TTC29: variants seen among roughly 807,000 people sequenced by gnomAD.
The protein encoded by TTC29 is tetratricopeptide repeat domain 29.
Under a neutral mutation model 58.1 loss-of-function variants are expected in TTC29, and 49 were observed. The ratio of observed to expected loss-of-function variants is 0.84; its 90% CI spans 0.67 to 1.07. TTC29 has a LOEUF of 1.07. Ranked by LOEUF, TTC29 falls within the 50% of genes least tolerant of loss-of-function variation. The pLI, the probability that TTC29 is intolerant of heterozygous loss-of-function variation, is 0.00. For synonymous variants in TTC29, 209 were observed against 196.8 expected, an observed-to-expected ratio of 1.06 and a Z score of -0.52; for missense variants, 582 against 555.6, an observed-to-expected ratio of 1.05 and a Z score of -0.48.
chr4:146,930,552 C>T (rs1411582772), intron 4 of TTC29, among the ~76,000 whole-genome samples: 2 of 152,094 alleles, frequency 1.3e-5, no homozygotes, highest in East Asian at 3.9e-4. Context: ...ATATAGAAAA[C>T]AGAACAGGAT....
At chr4:146,854,562 G>A (rs937186809) in intron 8 of TTC29, among the ~76,000 whole-genome samples, 43 of 151,830 alleles carry the variant, frequency 2.8e-4, no homozygotes, top group Non-Finnish European at 6.0e-4. Context: ...TTCATCCTCC[G>A]TCCTCACTCT....
At chr4:146,714,601 GA>G (rs369522006) in intron 11 of TTC29, among the ~76,000 whole-genome samples, 2,986 of 135,960 alleles carry the variant, frequency 0.022, 54 homozygotes, top group African/African-American at 0.047. Flanking sequence ...AAAAGAAAAA[GA>G]AAAAAAAAAA....
At chr4:146,932,130 G>T (rs1398042030) in intron 4 of TTC29, among the ~76,000 whole-genome samples, 2 of 152,042 alleles carry the variant, frequency 1.3e-5, no homozygotes, top group Admixed American at 1.3e-4. Context: ...TCAAAAAGAA[G>T]TGGCAATTCC....
At chr4:146,743,762 C>A (rs781380800) in intron 11 of TTC29, among the ~76,000 whole-genome samples, 4 of 152,202 alleles carry the variant, frequency 2.6e-5, no homozygotes, top group Non-Finnish European at 5.9e-5. Flanking sequence ...CAGAGAATTT[C>A]ATCTACATTG....
chr4:146,787,943 T>G (rs1749152254), intron 11 of TTC29, among the ~76,000 whole-genome samples: 1 of 152,090 alleles, frequency 6.6e-6, no homozygotes, highest in Non-Finnish European at 1.5e-5. Context: ...TGAAAGCCTT[T>G]GTTTAAGAAA....
chr4:146,829,993 C>T (rs549875276), intron 9 of TTC29, among the ~76,000 whole-genome samples: 9 of 152,026 alleles, frequency 5.9e-5, no homozygotes, highest in African/African-American at 2.2e-4. Context: ...GGGATTTTCC[C>T]TCTCTGTATT....
chr4:146,727,510 C>T, intron 11 of TTC29, among the ~76,000 whole-genome samples: 1 of 152,172 alleles, frequency 6.6e-6, no homozygotes, highest in East Asian at 1.9e-4. Context: ...ATTAATCTTT[C>T]CCTCCCTGAA....
intron 11 of TTC29, among the ~76,000 whole-genome samples, chr4:146,777,810 T>C (rs1324105151): frequency 6.6e-6 from 1 of 152,224 alleles, no homozygotes; most frequent in African/African-American, 2.4e-5. Context: ...TAGGATTTGC[T>C]CACTAACTGG....
intron 4 of TTC29, among the ~76,000 whole-genome samples, chr4:146,915,426 G>A (rs1204401018): frequency 6.6e-6 from 1 of 151,980 alleles, no homozygotes; most frequent in Non-Finnish European, 1.5e-5. Context: ...GACTCCCCCA[G>A]AAAATCCTTC....
At chr4:146,816,955 C>A (rs1300465749) in intron 10 of TTC29, among the ~76,000 whole-genome samples, 4 of 152,000 alleles carry the variant, frequency 2.6e-5, no homozygotes, top group Admixed American at 2.6e-4. Flanking sequence ...GAGGGTCTGG[C>A]AAAGGGGAAT....
At chr4:146,924,543 T>G (rs1734798528) in intron 4 of TTC29, among the ~76,000 whole-genome samples, 1 of 151,932 alleles carries the variant, frequency 6.6e-6, no homozygotes, top group East Asian at 1.9e-4. Context: ...CAGCATAAAG[T>G]TTATCTCCTA....
intron 7 of TTC29, among the ~76,000 whole-genome samples, chr4:146,868,371 A>G (rs960962394): frequency 6.6e-6 from 1 of 152,148 alleles, no homozygotes; most frequent in Non-Finnish European, 1.5e-5. Context: ...TTAAAGTATA[A>G]TAATAATTAA....
At chr4:146,892,791 T>C (rs1732473477) in intron 6 of TTC29, among the ~76,000 whole-genome samples, 1 of 152,208 alleles carries the variant, frequency 6.6e-6, no homozygotes, top group African/African-American at 2.4e-5. Context: ...AACCCCATTG[T>C]CTCAGCCCAA....
chr4:146,894,031 C>A (rs1309220830), intron 6 of TTC29, among the ~76,000 whole-genome samples: 2 of 152,116 alleles, frequency 1.3e-5, no homozygotes, highest in Non-Finnish European at 2.9e-5. Context: ...CAGGAAACAA[C>A]AGGTGCTGGA....
In TTC29 at chr4:146,805,342, A is replaced by G. The variant is rs1342826292; in HGVS notation, c.1102-1657T>C. 3.3e-5 allele frequency among the ~76,000 whole-genome samples: 5 copies of G among 152,110 alleles called. No individual in the cohort carries two copies. In the East Asian group the frequency reaches 5.8e-4, roughly 18 times the overall value. Reference sequence around the variant, plus strand: ...AACACCTCTTCTCTTCCAAAGGATCATAACTCCTCACCAAAAAGGGAACAA... The same window carrying G: ...AACACCTCTTCTCTTCCAAAGGATCGTAACTCCTCACCAAAAAGGGAACAA... On this transcript the variant is annotated intron_variant, in intron 10 of 12. Coordinates refer to ENST00000325106, the MANE Select transcript of TTC29 (RefSeq NM_031956.4).
intron 1 of TTC29, chr4:146,945,399 A>G (rs911846565): frequency 6.6e-6 from 1 of 152,174 alleles, no homozygotes; most frequent in African/African-American, 2.4e-5. Flanking sequence ...AAAAACGGAG[A>G]GCATCTCAGT....
chr4:146,765,925 A>T (rs905321870), intron 11 of TTC29, among the ~76,000 whole-genome samples: 1 of 152,124 alleles, frequency 6.6e-6, no homozygotes, highest in African/African-American at 2.4e-5. Context: ...GTTGTTCGGA[A>T]TATATGGCCT....
chr4:146,720,007 G>C (rs564076300), intron 11 of TTC29, among the ~76,000 whole-genome samples: 1 of 152,000 alleles, frequency 6.6e-6, no homozygotes, highest in Admixed American at 6.6e-5. Context: ...TGAATAAATC[G>C]ATCCATTTAT....
intron 11 of TTC29, among the ~76,000 whole-genome samples, chr4:146,762,712 C>A (rs1357164040): frequency 6.6e-6 from 1 of 151,816 alleles, no homozygotes; most frequent in African/African-American, 2.4e-5. Flanking sequence ...TCTCAGTGAC[C>A]TCAGACTCAT....
Sources: gnomAD v4.1 joint callset for allele counts (sites outside exome capture counted in the v4.1 genomes callset) on GRCh38, gnomAD v4.1.1 for gene constraint, MANE v1.5 for transcripts, NCBI Gene and HGNC (gene_info 2026-07-23, HGNC 2026-07-21) for gene names.